Variants in ROBO2 observed in about 807,000 individuals in gnomAD.
The protein encoded by ROBO2 is roundabout guidance receptor 2.
ROBO2 carries 53 observed loss-of-function variants against 160.8 expected under a neutral mutation model. The observed-to-expected ratio is 0.33, with a 90% CI of 0.26 to 0.41. The LOEUF is 0.41. Among genes scored for constraint, ROBO2 ranks in the 10% least tolerant of loss-of-function variants. The pLI, the probability that ROBO2 is intolerant of heterozygous loss-of-function variation, is 1.00. For synonymous variants in ROBO2, 664 were observed against 611.7 expected (o/e 1.09, Z -1.26); for missense variants, 1,577 against 1,722.4 (o/e 0.92, Z 1.49).
At chr3:77,415,146 C>T (rs1026751221) in intron 2 of ROBO2, among the ~76,000 whole-genome samples, 1 of 152,194 alleles carries the variant, frequency 6.6e-6, no homozygotes, top group Non-Finnish European at 1.5e-5. Context: ...TTTGTAAGTG[C>T]AGAAATAGGG....
intron 2 of ROBO2, among the ~76,000 whole-genome samples, chr3:77,355,933 A>T (rs1014142128): frequency 1.5e-4 from 23 of 151,980 alleles, no homozygotes; most frequent in Non-Finnish European, 2.9e-4. Flanking sequence ...CCAAAAAAAA[A>T]AAAATGGGTA....
intron 21 of ROBO2, 138 bp downstream of exon 22, chr3:77,608,092 A>G (rs2094561016): frequency 2.6e-6 from 2 of 760,580 alleles, no homozygotes; most frequent in Non-Finnish European, 4.5e-6. Flanking sequence ...CCCCTCTTTC[A>G]TTGTTTGCAC....
rs192753813 is a variant in ROBO2, at chr3:76,117,956, A to G, written c.109+180354A>G. ...GCAACATTTTGCTTTCTATAAAACT[A>G]GATACAGGAAGGGGAACATCACACA... is the stretch of plus-strand genomic sequence containing the variant. On this transcript the variant is annotated intron_variant, in intron 2 of 26. Coordinates refer to the ROBO2 transcript ENST00000487694. Among the ~76,000 whole-genome samples, 663 of 152,104 alleles carry G rather than the reference A, an allele frequency of 4.4e-3. 2 individuals carry two copies. The highest frequency in any genetic ancestry group is 6.6e-3 in the Non-Finnish European group (448 of 67,984).
At chr3:76,830,652 A>G (rs2066999475) in intron 2 of ROBO2, among the ~76,000 whole-genome samples, 1 of 151,818 alleles carries the variant, frequency 6.6e-6, no homozygotes, top group African/African-American at 2.4e-5. Flanking sequence ...CCACGTATGT[A>G]TTCTACGTAT....
intron 2 of ROBO2, among the ~76,000 whole-genome samples, chr3:76,159,318 C>A (rs1307980020): frequency 1.3e-5 from 2 of 152,186 alleles, no homozygotes; most frequent in Non-Finnish European, 2.9e-5. Flanking sequence ...AGAAACAGTT[C>A]TCTTGACAAT....
At chr3:76,555,821 C>T (rs1209308794) in intron 2 of ROBO2, among the ~76,000 whole-genome samples, 1 of 152,112 alleles carries the variant, frequency 6.6e-6, no homozygotes, top group Non-Finnish European at 1.5e-5. Context: ...TGTCTCATGC[C>T]TATAATCCGA....
At chr3:76,366,180 T>A (rs57529262) in intron 2 of ROBO2, among the ~76,000 whole-genome samples, 19,649 of 152,062 alleles carry the variant, frequency 0.13, 1,543 homozygotes, top group African/African-American at 0.22. Flanking sequence ...ACTCTGCTCT[T>A]CCCAACAGTC....
At chr3:77,188,260 G>A (rs919297143) in intron 2 of ROBO2, among the ~76,000 whole-genome samples, 4 of 143,512 alleles carry the variant, frequency 2.8e-5, no homozygotes, top group African/African-American at 1.2e-4. Context: ...ACAAACATAC[G>A]GAAAAATTAA....
At chr3:77,071,733 C>G (rs921839106) in intron 1 of ROBO2, among the ~76,000 whole-genome samples, 2 of 152,114 alleles carry the variant, frequency 1.3e-5, no homozygotes, top group Non-Finnish European at 2.9e-5. Context: ...CCATTTAAAA[C>G]GTGATTAGGA....
intron 2 of ROBO2, among the ~76,000 whole-genome samples, chr3:77,230,820 A>C (rs1385950663): frequency 3.3e-5 from 5 of 152,204 alleles, no homozygotes; most frequent in Admixed American, 3.3e-4. Context: ...GGTTTTCCTA[A>C]AATTAGACTT....
chr3:76,396,624 G>A (rs1181270103), intron 2 of ROBO2, among the ~76,000 whole-genome samples: 2 of 152,114 alleles, frequency 1.3e-5, no homozygotes, highest in Non-Finnish European at 2.9e-5. Context: ...CTTCAGCAAA[G>A]TCTCAGGATA....
At chr3:77,602,167 C>G (rs369253199) in intron 19 of ROBO2, 43 bp from the exon 21 acceptor site, 1 of 1,607,638 alleles carries the variant, frequency 6.2e-7, no homozygotes. Flanking sequence ...TTTGGGCTTC[C>G]GGTGCCTCAT....
intron 2 of ROBO2, among the ~76,000 whole-genome samples, chr3:76,114,335 A>G (rs1434807095): frequency 1.3e-5 from 2 of 152,166 alleles, no homozygotes; most frequent in Admixed American, 1.3e-4. Context: ...GGGTATCACT[A>G]ATGGAATAAA....
At chr3:77,345,644 T>C (rs535997890) in intron 2 of ROBO2, among the ~76,000 whole-genome samples, 226 of 152,286 alleles carry the variant, frequency 1.5e-3, no homozygotes, top group African/African-American at 5.3e-3. Context: ...GGGTACACAC[T>C]TATATAATGA....
chr3:76,185,682 C>T (rs768685619), intron 2 of ROBO2, among the ~76,000 whole-genome samples: 1 of 151,992 alleles, frequency 6.6e-6, no homozygotes, highest in Non-Finnish European at 1.5e-5. Context: ...CATAACATAA[C>T]ATTATAATGC....
At chr3:76,855,753 G>C (rs1324638557) in intron 2 of ROBO2, among the ~76,000 whole-genome samples, 1 of 151,982 alleles carries the variant, frequency 6.6e-6, no homozygotes, top group Non-Finnish European at 1.5e-5. Flanking sequence ...GAAATGCTTT[G>C]TTTCTTAATT....
intron 2 of ROBO2, among the ~76,000 whole-genome samples, chr3:76,034,108 G>T (rs973931300): frequency 6.6e-6 from 1 of 152,176 alleles, no homozygotes; most frequent in Admixed American, 6.5e-5. Flanking sequence ...ATGAGCATTG[G>T]TGGGCAGTTT....
intron 2 of ROBO2, among the ~76,000 whole-genome samples, chr3:77,189,266 G>T (rs1455718526): frequency 1.3e-5 from 2 of 151,678 alleles, no homozygotes; most frequent in African/African-American, 4.8e-5. Context: ...GGTATGATAG[G>T]GTTAACATGT....
chr3:77,639,020 G>A (rs2095309518), intron 24 of ROBO2, among the ~76,000 whole-genome samples: 1 of 151,718 alleles, frequency 6.6e-6, no homozygotes, highest in South Asian at 2.1e-4. Context: ...GGTAGGGACA[G>A]GGTTTCACCA....
Sources: gnomAD v4.1 joint callset for allele counts (sites outside exome capture counted in the v4.1 genomes callset) on GRCh38, gnomAD v4.1.1 for gene constraint, MANE v1.5 for transcripts, NCBI Gene and HGNC (gene_info 2026-07-23, HGNC 2026-07-21) for gene names.